The following ZNF668 variants were observed in gnomAD, a reference collection of about 807,000 sequenced individuals.
ZNF668 encodes zinc finger protein 668.
ZNF668 carries 10 observed loss-of-function variants against 40.3 expected under a neutral mutation model. The ratio of observed to expected loss-of-function variants is 0.25; its 90% CI spans 0.15 to 0.42. The LOEUF is 0.42. ZNF668 is among the 10% of genes least tolerant of loss of function. The pLI is 1.00. For missense variants in ZNF668, 749 were observed against 904.6 expected (o/e 0.83, Z 2.21); for synonymous variants, 428 against 384.6 (o/e 1.11, Z -1.32).
Position 31,066,213 on chromosome 16 carries a change from T to C in ZNF668, c.-22-1732A>G, listed in dbSNP as rs527490290. ...TGTTTCCTGTTCCCTGCTCAAGAAC[T>C]TTCCATGGCTTCCACCACACCATGC... On this transcript the variant is annotated intron_variant, in intron 1 of 2. Coordinates refer to ENST00000300849, the MANE Select transcript of ZNF668 (RefSeq NM_024706.5). 1.1e-5 allele frequency: 11 copies of C among 985,408 alleles called. No homozygotes were observed. In the South Asian group the frequency reaches 4.7e-4, roughly 42 times the overall value. 61.0% of individuals were successfully genotyped at this position (985,408 alleles called of 1,614,324 possible). A position where few individuals can be genotyped will look rare whatever the true frequency, so the allele number is the denominator to read the frequency against.
At chr16:31,070,070 G>T (rs1484342617) in intron 1 of ZNF668, among the ~76,000 whole-genome samples, 1 of 151,672 alleles carries the variant, frequency 6.6e-6, no homozygotes, top group Admixed American at 6.6e-5. Flanking sequence ...CACTGCACCC[G>T]GCCCAATCCC....
In ZNF668 at chr16:31,064,165, G is replaced by A; in HGVS notation, c.295C>T (p.Leu99=). The A allele has an allele frequency of 1.2e-6, 2 of 1,610,128 alleles. No homozygotes were observed. Among genetic ancestry groups the A allele is most frequent in the Non-Finnish European group, 8.5e-7 (1 of 1,179,586 alleles). ...GTGTGGCTGCGCCCGTGGCTGCGCA[G>A]CTCGGGTGCCGTCTTGTAGGCCTTG... The part of the protein sequence containing the change: ...CPKAYKTAPE[L]RSHGRSHTGE... The change falls in exon 2 of 3, where the codon CTG becomes TTG. Residue 99 remains leucine (L), a synonymous_variant. Transcript: ENST00000300849.
intron 2 of ZNF668, 189 bp from the exon 3 acceptor site, chr16:31,062,469 C>A: frequency 1.3e-6 from 1 of 786,726 alleles, no homozygotes; most frequent in East Asian, 2.8e-5. Flanking sequence ...TTCCAAAGAC[C>A]TGTCTCTGCA....
rs1186178237 is a variant in ZNF668, at chr16:31,062,087, G to A, written c.841C>T (p.Leu281=). 1.2e-6 allele frequency: 2 copies of A among 1,613,734 alleles called. No homozygotes were observed. The highest frequency in any genetic ancestry group is 1.7e-5 in the Admixed American group (1 of 60,006). The part of the protein sequence containing the change: ...ERTHSGEKPF[L]CPRCGRMFSD... ...AACATGCGGCCGCAGCGCGGGCACAGGAAGGGCTTCTCCCCCGAGTGCGTG... is the reference window on the plus strand; with the variant it reads ...AACATGCGGCCGCAGCGCGGGCACAAGAAGGGCTTCTCCCCCGAGTGCGTG... Residue 281 remains leucine (L), a synonymous_variant, in exon 3 of 3, where the codon CTG becomes TTG. Transcript: ENST00000300849.
chr16:31,062,187 C>T lies in ZNF668; in HGVS notation c.741G>A (p.Ala247=), dbSNP rs202137812. Residue 247 remains alanine (A), a synonymous_variant, in exon 3 of 3, where the codon GCG becomes GCA. Transcript: ENST00000300849. ...SSLTCHQRIH[A]AQKPYRCPAC... is the part of the protein sequence containing the mutation. ...CCGGGCAGCGGTAGGGCTTCTGTGC[C>T]GCGTGGATGCGCTGGTGGCACGTGA... 1.8e-4 allele frequency: 295 copies of T among 1,613,664 alleles called. No homozygotes were observed. Among genetic ancestry groups the T allele is most frequent in the Middle Eastern group, 6.6e-4 (4 of 6,058 alleles).
At position 31,061,139 on chromosome 16, in the gene ZNF668, G is replaced by A. The variant is rs752677103; in HGVS notation, c.1789C>T (p.Pro597Ser). 1.3e-6 allele frequency: 2 copies of A among 1,512,888 alleles called. No homozygotes were observed. The highest frequency in any genetic ancestry group is 1.8e-6 in the Non-Finnish European group (2 of 1,132,408). The allele number at this position is 1,512,888 out of a possible 1,614,324, so 93.7% of individuals were successfully genotyped here. ...LRKHERTHPVPMGTPTPLEPL... is the reference protein window; with the variant it reads ...LRKHERTHPVSMGTPTPLEPL... Reference sequence around the variant, plus strand: ...TCCAGGGGTGTGGGGGTCCCCATGGGCACAGGGTGGGTGCGTTCATGCTTG... The same window carrying A: ...TCCAGGGGTGTGGGGGTCCCCATGGACACAGGGTGGGTGCGTTCATGCTTG... The change falls in exon 3 of 3, where the codon CCC becomes TCC. Residue 597 changes from proline to serine, a missense_variant. Coordinates refer to ENST00000300849, the MANE Select transcript of ZNF668 (RefSeq NM_024706.5). This position sits in a 1 kb window ranked among gnomAD's most constrained non-coding sequence, Gnocchi z 7.7.
intron 2 of ZNF668, chr16:31,062,492 A>T: frequency 1.5e-6 from 1 of 657,482 alleles, no homozygotes. Context: ...TTAAAGACCA[A>T]GATATGGGCC....
At chr16:31,068,182 G>A (rs2056990353) in intron 1 of ZNF668, among the ~76,000 whole-genome samples, 1 of 135,748 alleles carries the variant, frequency 7.4e-6, no homozygotes, top group South Asian at 2.4e-4. Flanking sequence ...TACACAAAGA[G>A]GCCAGGTAGG....
intron 1 of ZNF668, among the ~76,000 whole-genome samples, chr16:31,071,456 C>T (rs898121938): frequency 2.6e-5 from 4 of 151,946 alleles, no homozygotes; most frequent in Non-Finnish European, 5.9e-5. Flanking sequence ...CGTGAGCCAC[C>T]GTGCCTGGCC....
Position 31,062,015 on chromosome 16 carries a change from C to G in ZNF668, c.913G>C (p.Val305Leu). ...CACTTCTCGCAGTGGTATGGCTTCA[C>G]CCCTTCATGGGCGCGCTGGTGGCGA... ...FRRHQRAHEG[V>L]KPYHCEKCGK... is the part of the protein sequence containing the mutation. The change falls in exon 3 of 3, where the codon GTG (valine) becomes CTG (leucine). Residue 305 changes from valine to leucine, a missense_variant. Around this residue, in one of 4 missense-constraint regions of ZNF668, gnomAD observed 129 missense variants for 231.2 expected, o/e 0.56. Transcript: ENST00000300849. 6.2e-7 allele frequency: 1 copy of G among 1,613,666 alleles called. No homozygotes were observed. Among genetic ancestry groups the G allele is most frequent in the Non-Finnish European group, 8.5e-7 (1 of 1,179,844 alleles).
chr16:31,065,022 C>T, intron 1 of ZNF668: 2 of 1,129,692 alleles, frequency 1.8e-6, no homozygotes, highest in Non-Finnish European at 1.1e-6. Context: ...TCCTCAGAGA[C>T]AGCAACTGTT....
chr16:31,068,945 T>G (rs977231634), intron 1 of ZNF668: 3 of 151,920 alleles, frequency 2.0e-5, no homozygotes, highest in Non-Finnish European at 4.4e-5. Context: ...CATCCTTAGG[T>G]CTCCACGAGC....
At chr16:31,062,344 C>G in intron 2 of ZNF668, 64 bp from the exon 3 acceptor site, 1 of 1,518,708 alleles carries the variant, frequency 6.6e-7, no homozygotes. Context: ...CACTGCCTGT[C>G]TGGGCTGTAC....
chr16:31,065,002 G>C, intron 1 of ZNF668: 1 of 1,178,232 alleles, frequency 8.5e-7, no homozygotes, highest in East Asian at 4.9e-5. Context: ...TTCCTCCTCT[G>C]GATGGTTAGT....
intron 2 of ZNF668, among the ~76,000 whole-genome samples, chr16:31,063,001 G>C (rs1596752138): frequency 6.6e-6 from 1 of 152,134 alleles, no homozygotes; most frequent in African/African-American, 2.4e-5. Flanking sequence ...GGCTGAGGCA[G>C]GAGAATCGCT....
intron 1 of ZNF668, chr16:31,066,392 C>T: frequency 1.0e-6 from 1 of 984,978 alleles, no homozygotes; most frequent in South Asian, 4.7e-5. Flanking sequence ...TCACTTTTCC[C>T]ACTAAATCCT....
At position 31,061,433 on chromosome 16, in the gene ZNF668, C is replaced by T; in HGVS notation, c.1495G>A (p.Glu499Lys). The T allele has an allele frequency of 6.2e-7, 1 of 1,614,004 alleles. No homozygotes were observed. The stretch of plus-strand genomic sequence containing the variant: ...TCACCCCCCGCCTCGCCTGCCCCTT[C>T]CAAGGGACCAGGAGCCTCCCGGACA... ...AGVREAPGPL[E>K]GAGEAGGEEA... Residue 499 changes from glutamate (E) to lysine (K), a missense_variant, in exon 3 of 3, where the codon GAA becomes AAA. By Grantham distance (56) the Glu-to-Lys change is moderately conservative (BLOSUM62 1). Transcript: ENST00000300849. The surrounding 1 kb of genome is among the most constrained non-coding windows in gnomAD (Gnocchi z 7.7).
At chr16:31,071,219 T>C (rs2057014267) in intron 1 of ZNF668, among the ~76,000 whole-genome samples, 2 of 152,016 alleles carry the variant, frequency 1.3e-5, no homozygotes, top group South Asian at 4.1e-4. Context: ...CAGGCTGGAG[T>C]GCAGTGGCTG....
chr16:31,067,797 G>T (rs2056988600), intron 1 of ZNF668, among the ~76,000 whole-genome samples: 1 of 152,172 alleles, frequency 6.6e-6, no homozygotes, highest in Non-Finnish European at 1.5e-5. Flanking sequence ...TGGGACTTCA[G>T]TCCAGGTGTT....
Sources: allele counts gnomAD v4.1 joint callset (sites outside exome capture counted in the v4.1 genomes callset), GRCh38; gene constraint gnomAD v4.1.1; regional missense constraint gnomAD v4.1.1; non-coding constraint Gnocchi (gnomAD v3.1); transcripts MANE v1.5; gene names NCBI Gene and HGNC (gene_info 2026-07-23, HGNC 2026-07-21).